The following CAMSAP3 variants were observed in gnomAD, a reference collection of about 807,000 sequenced individuals.
CAMSAP3 encodes the protein calmodulin-regulated spectrin-associated protein 3.
CAMSAP3 carries 34 observed loss-of-function variants against 112.5 expected under a neutral mutation model. The ratio of observed to expected loss-of-function variants is 0.30; its 90% CI spans 0.23 to 0.40. The LOEUF (loss-of-function observed/expected upper bound fraction) is 0.40, where lower values mean the gene tolerates loss of function less well. Among genes scored for constraint, CAMSAP3 ranks in the 10% least tolerant of loss-of-function variants. The pLI is 1.00. For synonymous variants in CAMSAP3, 868 were observed against 799.8 expected, an observed-to-expected ratio of 1.09 and a Z score of -1.44; for missense variants, 1,602 against 1,770.3, an observed-to-expected ratio of 0.90 and a Z score of 1.71.
rs541258979 is a variant in CAMSAP3 at position 7,617,284 on chromosome 19, C to T, written c.3213-42C>T. ...TCCCATCTCTGACCCCACCTCCATC[C>T]CATCCTGACCCCACCTCCATCCCAT... On this transcript the variant is annotated intron_variant, in intron 14 of 16. Coordinates refer to ENST00000160298, the MANE Select transcript of CAMSAP3 (RefSeq NM_020902.2). The surrounding 1 kb of genome is among the most constrained non-coding windows in gnomAD (Gnocchi z 7.5). 107 of 1,418,140 alleles carry T rather than the reference C, an allele frequency of 7.5e-5. No homozygotes were observed. The East Asian group carries it at 2.1e-3, about 28-fold the overall frequency. The allele number at this position is 1,418,140 out of a possible 1,614,324, so 87.8% of individuals were successfully genotyped here.
chr19:7,614,874 G>A, intron 11 of CAMSAP3: 1 of 496,686 alleles, frequency 2.0e-6, no homozygotes, highest in Non-Finnish European at 3.6e-6. Context: ...CCAGGCCGGG[G>A]TCCTCCCGCA....
rs200028004 is a variant in CAMSAP3 at position 7,610,783 on chromosome 19, C to A, written c.984C>A (p.Pro328=). The change falls in exon 7 of 17, where the codon CCC becomes CCA. Residue 328 remains proline, a synonymous_variant. Coordinates refer to ENST00000160298, the MANE Select transcript of CAMSAP3 (RefSeq NM_020902.2). The surrounding 1 kb of genome is among the most constrained non-coding windows in gnomAD (Gnocchi z 4.9). ...ACTTTGTGCAAGTGAAGGACTTGCC[C>A]GATGGTCACGGTGAGGCCCTGGGGG... The part of the protein sequence containing the change: ...KPDFVQVKDL[P]DGHAASPRGT... The A allele has an allele frequency of 1.7e-5, 28 of 1,613,228 alleles. No homozygotes were observed. The Middle Eastern group carries it at 6.6e-4, about 38-fold the overall frequency.
In CAMSAP3 at chr19:7,606,360, C is replaced by G; in HGVS notation, c.492C>G (p.Ser164Arg). 6.2e-7 allele frequency: 1 copy of G among 1,613,900 alleles called. No individual in the cohort carries two copies. The highest frequency in any genetic ancestry group is 8.5e-7 in the Non-Finnish European group (1 of 1,180,006). ...KTLPGPLALT[S>R]LEHKLLFWVD... ...TGCCAGGTCCCTTGGCCCTGACCAGCTTGGAGCACAAGCTGCTTTTCTGGG... is the reference window on the plus strand; with the variant it reads ...TGCCAGGTCCCTTGGCCCTGACCAGGTTGGAGCACAAGCTGCTTTTCTGGG... The change falls in exon 3 of 17, where the codon AGC (serine) becomes AGG (arginine). Residue 164 changes from serine to arginine, a missense_variant. Ser to Arg is a moderately radical substitution (Grantham distance 110). Coordinates refer to ENST00000160298, the MANE Select transcript of CAMSAP3 (RefSeq NM_020902.2).
intron 1 of CAMSAP3, among the ~76,000 whole-genome samples, chr19:7,597,097 G>A (rs553975402): frequency 1.5e-4 from 23 of 152,306 alleles, no homozygotes; most frequent in African/African-American, 5.5e-4. Flanking sequence ...TTTCCAGCGG[G>A]GAGCTGTGGG....
At chr19:7,598,432 G>C (rs913541122) in intron 1 of CAMSAP3, among the ~76,000 whole-genome samples, 5 of 152,142 alleles carry the variant, frequency 3.3e-5, no homozygotes, top group Non-Finnish European at 7.4e-5. Context: ...GCCACGGACA[G>C]TGTTGGGAAC....
intron 1 of CAMSAP3, among the ~76,000 whole-genome samples, chr19:7,601,774 A>ATAAATGAAAT: frequency 6.6e-6 from 1 of 151,212 alleles, no homozygotes; most frequent in African/African-American, 2.4e-5. Flanking sequence ...TAAAATAAAA[A>ATAAATGAAAT]GAAAGTGGGG....
Position 7,606,522 on chromosome 19 carries a change from G to C in CAMSAP3, c.572G>C (p.Arg191Pro). ...AAGACCGAGCAGGAAGCGGCCCAGCGAGCCTCTCCAGCAGCCCCTGCAGAC... is the reference window on the plus strand; with the variant it reads ...AAGACCGAGCAGGAAGCGGCCCAGCCAGCCTCTCCAGCAGCCCCTGCAGAC... ...QEKTEQEAAQ[R>P]ASPAAPADGA... Residue 191 changes from arginine to proline, a missense_variant, in exon 4 of 17, where the codon CGA becomes CCA. Arg to Pro is a moderately radical substitution (Grantham distance 103). This residue lies in a region of CAMSAP3 where 112 missense variants were observed against 94.2 expected (regional missense o/e 1.19). Transcript: ENST00000160298. 4 of 1,559,840 alleles carry C rather than the reference G, an allele frequency of 2.6e-6. No individual in the cohort carries two copies. Among genetic ancestry groups the C allele is most frequent in the Non-Finnish European group, 3.4e-6 (4 of 1,160,396 alleles).
Position 7,595,922 on chromosome 19 carries a change from C to G in CAMSAP3, c.-81C>G. 5 of 679,850 alleles carry G rather than the reference C, an allele frequency of 7.4e-6. No homozygotes were observed. Among genetic ancestry groups the G allele is most frequent in the Non-Finnish European group, 9.1e-6 (5 of 552,162 alleles). The allele number at this position is 679,850 out of a possible 1,614,324, so 42.1% of individuals were successfully genotyped here. On this transcript the variant is annotated 5_prime_UTR_variant, in exon 1 of 17. Transcript: ENST00000160298. ...CGGCAGCGGCGGTAGCAGCAGCGGG[C>G]CCGGCTGGGGCGCGAGCGCGGCGCA...
chr19:7,606,644 G>T, intron 4 of CAMSAP3, 73 bp downstream of exon 4: 1 of 1,532,112 alleles, frequency 6.5e-7, no homozygotes. Flanking sequence ...GTGCTTCCTG[G>T]ACACTCCTGA....
chr19:7,605,624 C>G (rs2030173086), intron 2 of CAMSAP3, 145 bp downstream of exon 2: 2 of 997,752 alleles, frequency 2.0e-6, no homozygotes, highest in South Asian at 2.4e-5. Flanking sequence ...TAGCTCCTCC[C>G]ATCAGGCTTG....
intron 1 of CAMSAP3, among the ~76,000 whole-genome samples, chr19:7,599,050 A>G (rs1275605243): frequency 6.6e-6 from 1 of 151,856 alleles, no homozygotes; most frequent in East Asian, 1.9e-4. Context: ...ATGGGCTTGT[A>G]GTCCCAGCTA....
At position 7,612,785 on chromosome 19, in the gene CAMSAP3, G is replaced by A. The variant is rs746640833; in HGVS notation, c.2292G>A (p.Pro764=). ...CCCCCAGCCCCGCCCGGCGAGTCCC[G>A]GCCACCCGGCGCAGCCCTGGGCCCG... The part of the protein sequence containing the change: ...AASPSPARRV[P]ATRRSPGPGP... The change falls in exon 11 of 17, where the codon CCG becomes CCA. Residue 764 remains proline, a synonymous_variant. Transcript: ENST00000160298. 5.7e-5 allele frequency: 87 copies of A among 1,533,564 alleles called. No individual in the cohort carries two copies. The highest frequency in any genetic ancestry group is 1.2e-4 in the Admixed American group (6 of 50,768). 95.0% of individuals were successfully genotyped at this position (1,533,564 alleles called of 1,614,324 possible). A position where few individuals can be genotyped will look rare whatever the true frequency, so the allele number is the denominator to read the frequency against.
At position 7,611,763 on chromosome 19, in the gene CAMSAP3, C is replaced by G; in HGVS notation, c.1270C>G (p.Pro424Ala). The G allele has an allele frequency of 6.3e-7, 1 of 1,591,204 alleles. No homozygotes were observed. The highest frequency in any genetic ancestry group is 8.6e-7 in the Non-Finnish European group (1 of 1,168,416). The change falls in exon 11 of 17, where the codon CCT (proline) becomes GCT (alanine). Residue 424 changes from proline (P) to alanine (A), a missense_variant. Pro to Ala is a conservative substitution (Grantham distance 27, BLOSUM62 -1). This residue lies in a region of CAMSAP3 where 1,100 missense variants were observed against 1,135.7 expected (regional missense o/e 0.97). Transcript: ENST00000160298. This position sits in a 1 kb window ranked among gnomAD's most constrained non-coding sequence, Gnocchi z 6.9. ...DSDVDVVMGDPVLLRSVSSDS... is the reference protein window; with the variant it reads ...DSDVDVVMGDAVLLRSVSSDS... ...CGACGTGGATGTCGTCATGGGAGAC[C>G]CTGTGCTCCTCCGCTCTGTGAGCTC... is the stretch of plus-strand genomic sequence containing the variant.
At chr19:7,598,505 C>T (rs1239016942) in intron 1 of CAMSAP3, among the ~76,000 whole-genome samples, 1 of 152,132 alleles carries the variant, frequency 6.6e-6, no homozygotes, top group Non-Finnish European at 1.5e-5. Flanking sequence ...AGGGATAGTT[C>T]TGGCAACTCC....
At position 7,606,502 on chromosome 19, in the gene CAMSAP3, C is replaced by T. The variant is rs763153749; in HGVS notation, c.552C>T (p.Thr184=). 1 of 1,569,920 alleles carries T rather than the reference C, an allele frequency of 6.4e-7. No homozygotes were observed. The highest frequency in any genetic ancestry group is 1.1e-5 in the South Asian group (1 of 87,706). The part of the protein sequence containing the change: ...DTTVRRLQEK[T]EQEAAQRASP... ...CCGTCCGGCGGCTGCAGGAGAAGAC[C>T]GAGCAGGAAGCGGCCCAGCGAGCCT... The change falls in exon 4 of 17, where the codon ACC becomes ACT. Residue 184 remains threonine, a synonymous_variant. Coordinates refer to ENST00000160298, the MANE Select transcript of CAMSAP3 (RefSeq NM_020902.2).
rs1416849487 is a variant in CAMSAP3, at chr19:7,610,807, G to T, written c.994+14G>T. On this transcript the variant is annotated intron_variant, in intron 7 of 16. Transcript: ENST00000160298. The surrounding 1 kb of genome is among the most constrained non-coding windows in gnomAD (Gnocchi z 4.9). ...CCGATGGTCACGGTGAGGCCCTGGGGGCCTGGGGGCCGGGTCGGGGGCGGG... is the reference window on the plus strand; with the variant it reads ...CCGATGGTCACGGTGAGGCCCTGGGTGCCTGGGGGCCGGGTCGGGGGCGGG... The T allele has an allele frequency of 6.2e-7, 1 of 1,612,410 alleles. No individual in the cohort carries two copies. The highest frequency in any genetic ancestry group is 1.3e-5 in the African/African-American group (1 of 74,906).
In CAMSAP3 at chr19:7,612,420, C is replaced by A; in HGVS notation, c.1927C>A (p.Arg643=). 6.3e-7 allele frequency: 1 copy of A among 1,591,042 alleles called. No individual in the cohort carries two copies. The highest frequency in any genetic ancestry group is 8.5e-7 in the Non-Finnish European group (1 of 1,171,528). The change falls in exon 11 of 17, where the codon CGG becomes AGG. Residue 643 remains arginine (R), a synonymous_variant. Coordinates refer to ENST00000160298, the MANE Select transcript of CAMSAP3 (RefSeq NM_020902.2). ...AAGCGCCTTCCTGCAGGTGCAGCCGCGGGAAGCCTCTGGGGAGGCGGAAGC... is the reference window on the plus strand; with the variant it reads ...AAGCGCCTTCCTGCAGGTGCAGCCGAGGGAAGCCTCTGGGGAGGCGGAAGC... The part of the protein sequence containing the change: ...GKSAFLQVQP[R]EASGEAEAEA...
Position 7,611,805 on chromosome 19 carries a change from C to G in CAMSAP3, c.1312C>G (p.Pro438Ala). 6.3e-7 allele frequency: 1 copy of G among 1,595,202 alleles called. No homozygotes were observed. The highest frequency in any genetic ancestry group is 8.5e-7 in the Non-Finnish European group (1 of 1,171,590). ...TGTGAGCTCGGACAGCCTGGGCCCCCCGCGTCCCGCGCCGGCCAGGACCCC... is the reference window on the plus strand; with the variant it reads ...TGTGAGCTCGGACAGCCTGGGCCCCGCGCGTCCCGCGCCGGCCAGGACCCC... The part of the protein sequence containing the change: ...RSVSSDSLGP[P>A]RPAPARTPTQ... The change falls in exon 11 of 17, where the codon CCG becomes GCG. Residue 438 changes from proline to alanine, a missense_variant. Pro to Ala is a conservative substitution (Grantham distance 27). This residue lies in a region of CAMSAP3 where 1,100 missense variants were observed against 1,135.7 expected (regional missense o/e 0.97). Transcript: ENST00000160298. This position sits in a 1 kb window ranked among gnomAD's most constrained non-coding sequence, Gnocchi z 6.9.
chr19:7,616,350 G>C (rs1322509849), intron 13 of CAMSAP3, 173 bp from the exon 14 acceptor site: 1 of 577,824 alleles, frequency 1.7e-6, no homozygotes, highest in Non-Finnish European at 3.1e-6. Context: ...CCACTTGCCT[G>C]CTGGGCAAAG....
Sources: gnomAD v4.1 joint callset for allele counts (sites outside exome capture counted in the v4.1 genomes callset) on GRCh38, gnomAD v4.1.1 for gene constraint, gnomAD v4.1.1 regional missense constraint, Gnocchi (gnomAD v3.1) non-coding constraint, MANE v1.5 for transcripts, NCBI Gene and HGNC (gene_info 2026-07-23, HGNC 2026-07-21) for gene names.